The following CADPS variants were observed in gnomAD, a reference collection of about 807,000 sequenced individuals.
The protein encoded by CADPS is calcium dependent secretion activator, also known as calcium-dependent secretion activator 1.
CADPS carries 57 observed loss-of-function variants against 167.3 expected under a neutral mutation model. The observed-to-expected ratio is 0.34, with a 90% CI of 0.28 to 0.42. CADPS has a LOEUF of 0.42. Ranked by LOEUF, CADPS falls within the 20% of genes least tolerant of loss-of-function variation. The pLI is 1.00. For synonymous variants in CADPS, 676 were observed against 635.3 expected (o/e 1.06, Z -0.96); for missense variants, 1,414 against 1,738.1 (o/e 0.81, Z 3.32).
At chr3:62,710,235 C>A (rs1001142590) in intron 3 of CADPS, among the ~76,000 whole-genome samples, 2 of 151,388 alleles carry the variant, frequency 1.3e-5, no homozygotes, top group African/African-American at 4.9e-5. Flanking sequence ...CATGAAGCGT[C>A]TAGGTGGTTC....
In CADPS at chr3:62,874,908, C is replaced by G; in HGVS notation, c.122G>C (p.Gly41Ala). The change falls in exon 1 of 30, where the codon GGC becomes GCC. Residue 41 changes from glycine (G) to alanine (A), a missense_variant. By Grantham distance (60) the Gly-to-Ala change is moderately conservative (BLOSUM62 0). Around this residue, in one of 6 missense-constraint regions of CADPS, gnomAD observed 522 missense variants for 559.5 expected, o/e 0.93. Transcript: ENST00000383710. This position sits in a 1 kb window ranked among gnomAD's most constrained non-coding sequence, Gnocchi z 7.1. ...ARLSPSRTSE[G>A]SAGSAGLGGG... ...CCCCAGCCCGGCGCTGCCGGCCGAG[C>G]CCTCGCTGGTACGGCTGGGAGACAG... 1 of 1,426,444 alleles carries G rather than the reference C, an allele frequency of 7.0e-7. No individual in the cohort carries two copies. Among genetic ancestry groups the G allele is most frequent in the Non-Finnish European group, 9.2e-7 (1 of 1,083,920 alleles). 88.4% of individuals were successfully genotyped at this position (1,426,444 alleles called of 1,614,324 possible).
intron 8 of CADPS, among the ~76,000 whole-genome samples, chr3:62,584,199 G>A (rs1182503164): frequency 6.6e-6 from 1 of 151,922 alleles, no homozygotes; most frequent in Admixed American, 6.6e-5. Flanking sequence ...TAGAGATGGA[G>A]TTTCATCATG....
intron 6 of CADPS, among the ~76,000 whole-genome samples, chr3:62,644,540 A>T (rs1193505066): frequency 6.6e-6 from 1 of 152,062 alleles, no homozygotes; most frequent in Non-Finnish European, 1.5e-5. Flanking sequence ...TACATCTCCA[A>T]TGCATACTTT....
Position 62,683,823 on chromosome 3 carries a change from G to A in CADPS, c.889-21429C>T, listed in dbSNP as rs144590337. Among the ~76,000 whole-genome samples, 76 of 152,050 alleles carry A rather than the reference G, an allele frequency of 5.0e-4. No individual in the cohort carries two copies. In the East Asian group the frequency reaches 0.012, roughly 25 times the overall value. ...TATTTTGTGGAATGTCCCTTGATTT[G>A]GGTTTGTCTAGAGTTTTTCTCATGG... On this transcript the variant is annotated intron_variant, in intron 3 of 29. Coordinates refer to ENST00000383710, the MANE Select transcript of CADPS (RefSeq NM_003716.4).
At chr3:62,833,568 A>C (rs1577054925) in intron 1 of CADPS, among the ~76,000 whole-genome samples, 1 of 152,060 alleles carries the variant, frequency 6.6e-6, no homozygotes, top group East Asian at 1.9e-4. Context: ...TTTATCCTGG[A>C]GGAGACATTC....
At chr3:62,796,803 G>C (rs530369931) in intron 1 of CADPS, among the ~76,000 whole-genome samples, 1 of 152,060 alleles carries the variant, frequency 6.6e-6, no homozygotes, top group African/African-American at 2.4e-5. Flanking sequence ...GCTGCAGAGA[G>C]GAAAAAAATT....
intron 6 of CADPS, among the ~76,000 whole-genome samples, chr3:62,598,704 G>A (rs1331232567): frequency 2.0e-5 from 3 of 152,270 alleles, no homozygotes; most frequent in Admixed American, 1.3e-4. Flanking sequence ...AATATGTTCA[G>A]GGTCACACAC....
intron 13 of CADPS, among the ~76,000 whole-genome samples, chr3:62,522,027 G>A (rs1456851389): frequency 6.6e-6 from 1 of 152,170 alleles, no homozygotes. Flanking sequence ...TGACCAGACT[G>A]TCCTTACAGG....
chr3:62,854,423 T>G (rs938356212), intron 1 of CADPS, among the ~76,000 whole-genome samples: 7 of 149,450 alleles, frequency 4.7e-5, no homozygotes, highest in Non-Finnish European at 7.4e-5. Context: ...ATTTTAAGCT[T>G]CAAATCACTT....
At chr3:62,634,154 A>C (rs907856835) in intron 6 of CADPS, among the ~76,000 whole-genome samples, 3 of 152,194 alleles carry the variant, frequency 2.0e-5, no homozygotes, top group African/African-American at 7.2e-5. Context: ...TAATATGATG[A>C]ATGCTAGTGC....
chr3:62,530,633 A>G (rs769565366), intron 13 of CADPS: 2 of 1,276,524 alleles, frequency 1.6e-6, no homozygotes, highest in South Asian at 2.5e-5. Context: ...AACACAAGCC[A>G]ATACACACAT....
At chr3:62,507,228 G>A (rs1415963711) in intron 17 of CADPS, among the ~76,000 whole-genome samples, 1 of 152,098 alleles carries the variant, frequency 6.6e-6, no homozygotes, top group African/African-American at 2.4e-5. Flanking sequence ...ACCCCAGTCA[G>A]TTCTTCTTAG....
chr3:62,758,129 C>T (rs147623672), intron 2 of CADPS, among the ~76,000 whole-genome samples: 1 of 152,142 alleles, frequency 6.6e-6, no homozygotes, highest in Non-Finnish European at 1.5e-5. Flanking sequence ...AGTAGCTACT[C>T]AATAAATACT....
At chr3:62,578,439 T>C (rs1347397481) in intron 8 of CADPS, among the ~76,000 whole-genome samples, 1 of 151,780 alleles carries the variant, frequency 6.6e-6, no homozygotes, top group East Asian at 1.9e-4. Flanking sequence ...TGAAACCCTG[T>C]CTGTACTAAA....
chr3:62,805,327 A>G (rs72880036), intron 1 of CADPS, among the ~76,000 whole-genome samples: 3,092 of 152,252 alleles, frequency 0.02, 115 homozygotes, highest in African/African-American at 0.071. Context: ...AAGGCAACCT[A>G]TGAAGTAGGT....
chr3:62,632,256 A>G (rs1317823297), intron 6 of CADPS, among the ~76,000 whole-genome samples: 1 of 152,226 alleles, frequency 6.6e-6, no homozygotes, highest in Non-Finnish European at 1.5e-5. Flanking sequence ...ATTGCTGGAT[A>G]TAGGGATCAT....
chr3:62,707,371 G>A (rs778392309), intron 3 of CADPS, among the ~76,000 whole-genome samples: 10 of 152,028 alleles, frequency 6.6e-5, no homozygotes, highest in African/African-American at 1.9e-4. Flanking sequence ...AAACCAGTCC[G>A]TGATCCCAAA....
chr3:62,530,929 C>A, intron 13 of CADPS: 1 of 353,272 alleles, frequency 2.8e-6, no homozygotes, highest in Middle Eastern at 1.3e-3. Flanking sequence ...CATGAAAAAG[C>A]AGGCGCAAAT....
chr3:62,727,168 C>T (rs554348), intron 3 of CADPS, among the ~76,000 whole-genome samples: 34,414 of 151,476 alleles, frequency 0.23, 4,411 homozygotes, highest in African/African-American at 0.31. Context: ...TAGCATACAC[C>T]GAAGAGCATG....
Sources: gnomAD v4.1 joint callset for allele counts (sites outside exome capture counted in the v4.1 genomes callset) on GRCh38, gnomAD v4.1.1 for gene constraint, gnomAD v4.1.1 regional missense constraint, Gnocchi (gnomAD v3.1) non-coding constraint, MANE v1.5 for transcripts, NCBI Gene and HGNC (gene_info 2026-07-23, HGNC 2026-07-21) for gene names.